The following AP2A1 variants were observed in gnomAD, a reference collection of about 807,000 sequenced individuals.
AP2A1 encodes adaptor related protein complex 2 subunit alpha 1.
AP2A1 carries 21 observed loss-of-function variants against 107.3 expected under a neutral mutation model. The ratio of observed to expected loss-of-function variants is 0.20; its 90% CI spans 0.14 to 0.28. AP2A1 has a LOEUF of 0.28. AP2A1 is among the 10% of genes least tolerant of loss of function. The probability of loss-of-function intolerance (pLI) is 1.00; values close to 1 mark genes in which losing one functional copy is unlikely to be tolerated. For missense variants in AP2A1, 873 were observed against 1,307.7 expected (o/e 0.67, Z 5.13); for synonymous variants, 602 against 564.8 (o/e 1.07, Z -0.93).
At chr19:49,776,395 T>C (rs1219292470) in intron 1 of AP2A1, among the ~76,000 whole-genome samples, 1 of 152,030 alleles carries the variant, frequency 6.6e-6, no homozygotes, top group Non-Finnish European at 1.5e-5. Context: ...AGAGAAGCCT[T>C]CCCCGTCCCC....
chr19:49,802,547 C>G, intron 15 of AP2A1: 1 of 1,606,380 alleles, frequency 6.2e-7, no homozygotes, highest in Non-Finnish European at 8.5e-7. Flanking sequence ...GCTGGAGCCG[C>G]CTGCCCCCGA....
chr19:49,793,902 T>C lies in AP2A1; in HGVS notation c.705+810T>C, dbSNP rs935447815. Among the ~76,000 whole-genome samples, 273 of 129,340 alleles carry C rather than the reference T, an allele frequency of 2.1e-3. 1 individual carries two copies. The highest frequency in any genetic ancestry group is 3.5e-3 in the Non-Finnish European group (212 of 60,338). 84.9% of individuals were successfully genotyped at this position (129,340 alleles called of 152,430 possible). ...TCGTGCATCCACTCATTGTTTCTTT[T>C]TTTTTTTTTTTTTTTTTTTTTTTGA... is the stretch of plus-strand genomic sequence containing the variant. On this transcript the variant is annotated intron_variant, in intron 6 of 22. Transcript: ENST00000354293.
chr19:49,799,448 C>G lies in AP2A1; in HGVS notation c.1087C>G (p.His363Asp). ...MCTLASSEFS[H>D]EAVKTHIDTV... ...CACGCTGGCCAGCTCCGAGTTCTCC[C>G]ATGAAGCCGTCAAGACGCACATTGA... The change falls in exon 9 of 23, where the codon CAT (histidine) becomes GAT (aspartate). Residue 363 changes from histidine to aspartate, a missense_variant. His to Asp is a moderately conservative substitution (Grantham distance 81). Around this residue, in one of 4 missense-constraint regions of AP2A1, gnomAD observed 213 missense variants for 443.5 expected, o/e 0.48. Transcript: ENST00000354293. 6.2e-7 allele frequency: 1 copy of G among 1,611,826 alleles called. No individual in the cohort carries two copies. Among genetic ancestry groups the G allele is most frequent in the Non-Finnish European group, 8.5e-7 (1 of 1,179,364 alleles).
At chr19:49,782,349 G>A (rs1053692628) in intron 3 of AP2A1, among the ~76,000 whole-genome samples, 182 bp from the exon 4 acceptor site, 2 of 148,540 alleles carry the variant, frequency 1.3e-5, no homozygotes, top group East Asian at 2.0e-4. Flanking sequence ...GCCTGGACTC[G>A]TGGGTCTGAG....
chr19:49,778,003 TA>T (rs1365972688), intron 1 of AP2A1, among the ~76,000 whole-genome samples: 1 of 152,026 alleles, frequency 6.6e-6, no homozygotes, highest in African/African-American at 2.4e-5. Flanking sequence ...GTTAAAGAAA[TA>T]CGTAAATATA....
At chr19:49,800,511 G>T (rs942208443) in intron 11 of AP2A1, among the ~76,000 whole-genome samples, 3 of 152,150 alleles carry the variant, frequency 2.0e-5, no homozygotes, top group African/African-American at 7.2e-5. Flanking sequence ...AGGCTGGAGT[G>T]GGGAGTGAGT....
Position 49,801,986 on chromosome 19 carries a change from G to A in AP2A1, c.1959G>A (p.Thr653=). 1.3e-6 allele frequency: 2 copies of A among 1,510,090 alleles called. No individual in the cohort carries two copies. Among genetic ancestry groups the A allele is most frequent in the South Asian group, 2.5e-5 (2 of 78,468 alleles). The allele number at this position is 1,510,090 out of a possible 1,614,324, so 93.5% of individuals were successfully genotyped here. ...GMEPTPSTVS[T]PSPSADLLGL... ...GTGACCTGCGCTTCCTACAGTCGACGCCCTCGCCCTCCGCCGACCTCCTGG... is the reference window on the plus strand; with the variant it reads ...GTGACCTGCGCTTCCTACAGTCGACACCCTCGCCCTCCGCCGACCTCCTGG... The change falls in exon 15 of 23, where the codon ACG becomes ACA. Residue 653 remains threonine, a synonymous_variant. Coordinates refer to ENST00000354293, the MANE Select transcript of AP2A1 (RefSeq NM_130787.3).
At chr19:49,781,648 G>T (rs1019070162) in intron 1 of AP2A1, 109 bp from the exon 2 acceptor site, 1 of 1,147,810 alleles carries the variant, frequency 8.7e-7, no homozygotes, top group Non-Finnish European at 1.3e-6. Flanking sequence ...AGGGCTTGGG[G>T]GCGGAGAAGA....
At chr19:49,780,942 A>C (rs1477377645) in intron 1 of AP2A1, among the ~76,000 whole-genome samples, 1 of 151,948 alleles carries the variant, frequency 6.6e-6, no homozygotes, top group Non-Finnish European at 1.5e-5. Flanking sequence ...TTGGAGGAGA[A>C]GAGGGAACGG....
chr19:49,793,088 G>A lies in AP2A1; in HGVS notation c.701G>A (p.Ser234Asn). 1 of 1,602,256 alleles carries A rather than the reference G, an allele frequency of 6.2e-7. No homozygotes were observed. Among genetic ancestry groups the A allele is most frequent in the Non-Finnish European group, 8.5e-7 (1 of 1,174,646 alleles). Residue 234 changes from serine to asparagine, a missense_variant, in exon 6 of 23, where the codon AGC becomes AAC. By Grantham distance (46) the Ser-to-Asn change is conservative. This residue lies in a region of AP2A1 where 157 missense variants were observed against 212.6 expected (regional missense o/e 0.74). Transcript: ENST00000354293. The stretch of plus-strand genomic sequence containing the variant: ...GTCTCTCTGGCTGTGTCGCGCCTGA[G>A]CCGGGTGGGTGTGGCCTAGATATTG... The part of the protein sequence containing the change: ...TCVSLAVSRL[S>N]RIVSSASTDL...
At chr19:49,776,511 G>C (rs1340747988) in intron 1 of AP2A1, among the ~76,000 whole-genome samples, 4 of 152,192 alleles carry the variant, frequency 2.6e-5, no homozygotes, top group Non-Finnish European at 4.4e-5. Flanking sequence ...GATGCCTCGA[G>C]AGCAGGGTAG....
chr19:49,805,959 T>A lies in AP2A1; in HGVS notation c.2655+18T>A, dbSNP rs1455203792. The A allele has an allele frequency of 6.2e-7, 1 of 1,613,656 alleles. No individual in the cohort carries two copies. The highest frequency in any genetic ancestry group is 1.1e-5 in the South Asian group (1 of 91,074). ...AGGCCAAGGTGAGAGACCGCGGGCG[T>A]GTTTGCCGGCCTATGGCTGCTTTGC... On this transcript the variant is annotated intron_variant, in intron 21 of 22. Coordinates refer to ENST00000354293, the MANE Select transcript of AP2A1 (RefSeq NM_130787.3).
At chr19:49,787,036 TTGCCCTGTTGCCCAGGCTGGAGTGCAG>T (rs1281792934) in intron 4 of AP2A1, among the ~76,000 whole-genome samples, 1 of 152,208 alleles carries the variant, frequency 6.6e-6, no homozygotes, top group Admixed American at 6.5e-5. Flanking sequence ...AGACAGGGTC[TTGCCCTGTTGCCCAGGCTGGAGTGCAG>T]TGGCACAGTC....
intron 4 of AP2A1, among the ~76,000 whole-genome samples, chr19:49,786,580 G>T (rs770815966): frequency 6.6e-6 from 1 of 152,194 alleles, no homozygotes; most frequent in African/African-American, 2.4e-5. Context: ...GCAGCCCAGC[G>T]TGTTACGCTC....
chr19:49,790,517 G>A (rs1052289517), intron 4 of AP2A1, among the ~76,000 whole-genome samples: 3 of 152,072 alleles, frequency 2.0e-5, no homozygotes, highest in Admixed American at 1.3e-4. Context: ...TCCCACCTCA[G>A]CCTGCCAAGT....
At chr19:49,789,515 T>A (rs1336140347) in intron 4 of AP2A1, among the ~76,000 whole-genome samples, 4 of 151,078 alleles carry the variant, frequency 2.6e-5, no homozygotes, top group African/African-American at 9.7e-5. Context: ...GGTCTCAAAC[T>A]CCTGACCTCA....
rs550263064 is a variant in AP2A1 at position 49,788,414 on chromosome 19, T to G, written c.474-3521T>G. On this transcript the variant is annotated intron_variant, in intron 4 of 22. Coordinates refer to ENST00000354293, the MANE Select transcript of AP2A1 (RefSeq NM_130787.3). The surrounding 1 kb of genome is among the most constrained non-coding windows in gnomAD (Gnocchi z 4.5). ...AATGGAGATGATAGAATCCGCGTCC[T>G]TAGAGGGCTGTGGTGGGGAGCGAGC... Among the ~76,000 whole-genome samples, 71 of 152,326 alleles carry G rather than the reference T, an allele frequency of 4.7e-4. No homozygotes were observed. Among genetic ancestry groups the G allele is most frequent in the Admixed American group, 6.5e-4 (10 of 15,302 alleles).
intron 1 of AP2A1, among the ~76,000 whole-genome samples, chr19:49,773,328 C>T (rs1029635042): frequency 2.0e-5 from 3 of 152,110 alleles, no homozygotes; most frequent in Admixed American, 6.6e-5. Context: ...CCAATGGGAG[C>T]GGGGTGCTGG....
Position 49,775,341 on chromosome 19 carries a change from A to G in AP2A1, c.68-6416A>G, listed in dbSNP as rs201023369. On this transcript the variant is annotated intron_variant, in intron 1 of 22. Coordinates refer to ENST00000354293, the MANE Select transcript of AP2A1 (RefSeq NM_130787.3). ...GTGTAACCAGTGTTTTTTGAGATGG[A>G]GTCTTGCTGTATGGCCCAGGCTGAG... 1.2e-4 allele frequency among the ~76,000 whole-genome samples: 19 copies of G among 152,160 alleles called. No individual in the cohort carries two copies. In the East Asian group the frequency reaches 3.7e-3, roughly 29 times the overall value.
Sources: gnomAD v4.1 joint callset for allele counts (sites outside exome capture counted in the v4.1 genomes callset) on GRCh38, gnomAD v4.1.1 for gene constraint, gnomAD v4.1.1 regional missense constraint, Gnocchi (gnomAD v3.1) non-coding constraint, MANE v1.5 for transcripts, NCBI Gene and HGNC (gene_info 2026-07-23, HGNC 2026-07-21) for gene names.